Variants in CDK14 observed in about 807,000 individuals in gnomAD.
CDK14 encodes the protein cyclin-dependent kinase 14.
In CDK14, 34 loss-of-function variants were observed where a neutral mutation model predicts 60.7. That is an observed-to-expected ratio of 0.56 (90% confidence interval 0.43 to 0.75). CDK14 has a LOEUF of 0.75. Among genes scored for constraint, CDK14 ranks in the 30% least tolerant of loss-of-function variants. The pLI is 0.00. For missense variants in CDK14, 482 were observed against 564.1 expected (o/e 0.85, Z 1.47); for synonymous variants, 197 against 203.7 (o/e 0.97, Z 0.28).
chr7:90,998,119 AG>A (rs1322153015), intron 10 of CDK14, among the ~76,000 whole-genome samples: 1 of 152,204 alleles, frequency 6.6e-6, no homozygotes, highest in Non-Finnish European at 1.5e-5. Flanking sequence ...ATGTCAAATT[AG>A]ATGTGAAATG....
chr7:90,653,961 T>C (rs560984080), intron 2 of CDK14, among the ~76,000 whole-genome samples: 1 of 152,312 alleles, frequency 6.6e-6, no homozygotes, highest in South Asian at 2.1e-4. Context: ...AATGATGGTT[T>C]CACACTTCAT....
intron 14 of CDK14, among the ~76,000 whole-genome samples, chr7:91,123,424 T>C (rs919211551): frequency 2.0e-5 from 3 of 152,206 alleles, no homozygotes; most frequent in Non-Finnish European, 4.4e-5. Flanking sequence ...ACCTTAGTGT[T>C]CTTTGCAGGT....
At chr7:90,649,226 C>T (rs1473170917) in intron 2 of CDK14, among the ~76,000 whole-genome samples, 2 of 133,970 alleles carry the variant, frequency 1.5e-5, no homozygotes, top group Non-Finnish European at 3.2e-5. Flanking sequence ...AGCAACAGCT[C>T]TAGCCTATAG....
rs537947383 is a variant in CDK14 at position 90,766,296 on chromosome 7, T to C, written c.464+18521T>C. 6.6e-5 allele frequency among the ~76,000 whole-genome samples: 10 copies of C among 152,314 alleles called. No individual in the cohort carries two copies. The South Asian group carries it at 8.3e-4, about 13-fold the overall frequency. On this transcript the variant is annotated intron_variant, in intron 4 of 14. Transcript: ENST00000380050. The stretch of plus-strand genomic sequence containing the variant: ...TATTGAACACTCCATTTTTTTCACC[T>C]GTGAAAACAGGGTTAATAATAGAAT...
In CDK14 at chr7:91,112,550, A is replaced by T. The variant is rs149042459; in HGVS notation, c.1163A>T (p.Tyr388Phe). 2 of 1,613,406 alleles carry T rather than the reference A, an allele frequency of 1.2e-6. No individual in the cohort carries two copies. The highest frequency in any genetic ancestry group is 1.3e-5 in the African/African-American group (1 of 74,970). Reference protein sequence around the residue: ...NLRQAWNKLSYVNHAEDLASK... With the variant: ...NLRQAWNKLSFVNHAEDLASK... ...TTTGCTCATGTTTTTAGGCTCAGCT[A>T]TGTGAACCATGCAGAGGACCTGGCC... The change falls in exon 13 of 15, where the codon TAT becomes TTT. Residue 388 changes from tyrosine to phenylalanine, a missense_variant. By Grantham distance (22) the Tyr-to-Phe change is conservative. Coordinates refer to ENST00000380050, the MANE Select transcript of CDK14 (RefSeq NM_001287135.2).
chr7:90,671,176 G>A (rs1187155558), intron 2 of CDK14, among the ~76,000 whole-genome samples: 2 of 152,114 alleles, frequency 1.3e-5, no homozygotes, highest in African/African-American at 4.8e-5. Flanking sequence ...AGGAAGTTGT[G>A]ATGATCGTGC....
At chr7:90,762,976 C>G (rs1370048019) in intron 4 of CDK14, among the ~76,000 whole-genome samples, 1 of 152,112 alleles carries the variant, frequency 6.6e-6, no homozygotes, top group Non-Finnish European at 1.5e-5. Flanking sequence ...GAGACCCTGT[C>G]TTAAAAAATT....
chr7:90,757,209 AGTGTGTGT>A (rs56790315), intron 4 of CDK14, among the ~76,000 whole-genome samples: 41,210 of 120,368 alleles, frequency 0.34, 6,429 homozygotes, highest in Middle Eastern at 0.46. Flanking sequence ...GCATTCTTCC[AGTGTGTGT>A]GTGTGTGTGT....
intron 5 of CDK14, among the ~76,000 whole-genome samples, chr7:90,803,284 A>G (rs775892319): frequency 8.5e-5 from 13 of 152,156 alleles, no homozygotes; most frequent in Non-Finnish European, 1.6e-4. Context: ...AACCTTCAAC[A>G]TGCAGATTTT....
chr7:90,749,116 T>G (rs1170614459), intron 4 of CDK14, among the ~76,000 whole-genome samples: 1 of 152,142 alleles, frequency 6.6e-6, no homozygotes, highest in Non-Finnish European at 1.5e-5. Flanking sequence ...TACTGTGAAG[T>G]CAAAAGTAAT....
chr7:90,634,780 C>T (rs929319860), intron 2 of CDK14, among the ~76,000 whole-genome samples: 9 of 151,910 alleles, frequency 5.9e-5, no homozygotes, highest in African/African-American at 2.2e-4. Context: ...TTGTCCACAT[C>T]CTCTCCAGCA....
intron 9 of CDK14, among the ~76,000 whole-genome samples, chr7:90,957,708 CA>C (rs1160484432): frequency 1.3e-5 from 2 of 152,060 alleles, no homozygotes; most frequent in Non-Finnish European, 2.9e-5. Flanking sequence ...AAAGAGGATA[CA>C]AACAAACGGA....
At chr7:91,059,081 A>C (rs1023356923) in intron 11 of CDK14, among the ~76,000 whole-genome samples, 5 of 151,970 alleles carry the variant, frequency 3.3e-5, no homozygotes, top group Non-Finnish European at 5.9e-5. Flanking sequence ...TCAATTTCAG[A>C]GCCTGTTATT....
rs568005199 is a variant in CDK14 at position 91,029,135 on chromosome 7, T to C, written c.1042-16762T>C. ...CTTTAATTCATCTTGAATTGACTTT[T>C]GTATATGGTGATAGATAGGGGTCCA... is the stretch of plus-strand genomic sequence containing the variant. On this transcript the variant is annotated intron_variant, in intron 10 of 14. Coordinates refer to ENST00000380050, the MANE Select transcript of CDK14 (RefSeq NM_001287135.2). Among the ~76,000 whole-genome samples, 3 of 152,286 alleles carry C rather than the reference T, an allele frequency of 2.0e-5. No homozygotes were observed. In the East Asian group the frequency reaches 5.8e-4, roughly 29 times the overall value.
chr7:90,985,662 G>A (rs1478142363), intron 10 of CDK14, among the ~76,000 whole-genome samples: 1 of 152,076 alleles, frequency 6.6e-6, no homozygotes, highest in Non-Finnish European at 1.5e-5. Flanking sequence ...CTTAATGTCA[G>A]CAATAAAATG....
At chr7:90,984,448 G>T (rs1322405525) in intron 10 of CDK14, among the ~76,000 whole-genome samples, 1 of 152,150 alleles carries the variant, frequency 6.6e-6, no homozygotes, top group Non-Finnish European at 1.5e-5. Flanking sequence ...TGTCAAAGTG[G>T]TAAGAAGGAA....
chr7:91,105,568 A>G (rs755036942), intron 12 of CDK14, among the ~76,000 whole-genome samples: 1 of 152,244 alleles, frequency 6.6e-6, no homozygotes, highest in Non-Finnish European at 1.5e-5. Context: ...TTTTGACAGA[A>G]GCAAAAGAAA....
At chr7:90,774,745 A>G (rs886482487) in intron 4 of CDK14, among the ~76,000 whole-genome samples, 3 of 152,236 alleles carry the variant, frequency 2.0e-5, no homozygotes, top group African/African-American at 4.8e-5. Flanking sequence ...AATTGTGGTT[A>G]TAACTTAAAC....
intron 6 of CDK14, among the ~76,000 whole-genome samples, chr7:90,882,988 CT>C (rs1189704518): frequency 1.3e-5 from 2 of 151,896 alleles, no homozygotes; most frequent in African/African-American, 4.8e-5. Context: ...CATCAGAAAG[CT>C]AGAAAAATTT....
Sources: allele counts gnomAD v4.1 joint callset (sites outside exome capture counted in the v4.1 genomes callset), GRCh38; gene constraint gnomAD v4.1.1; transcripts MANE v1.5; gene names NCBI Gene and HGNC (gene_info 2026-07-23, HGNC 2026-07-21).